C4orf51: variants seen among roughly 807,000 people sequenced by gnomAD.
The protein encoded by C4orf51 is uncharacterized protein C4orf51.
Under a neutral mutation model 25.2 loss-of-function variants are expected in C4orf51, and 25 were observed. The observed-to-expected ratio is 0.99, with a 90% CI of 0.72 to 1.39. The LOEUF (loss-of-function observed/expected upper bound fraction) is 1.39, where lower values mean the gene tolerates loss of function less well. Among genes scored for constraint, C4orf51 ranks in the 40% most tolerant of loss-of-function variants. C4orf51 has a pLI of 0.00. For missense variants in C4orf51, 252 were observed against 239.6 expected (o/e 1.05, Z -0.34); for synonymous variants, 100 against 84.5 (o/e 1.18, Z -1.01).
rs576976903 is a variant in C4orf51, at chr4:145,703,800, ATTTC to A, written c.307+7176_307+7179del. 4.3e-4 allele frequency among the ~76,000 whole-genome samples: 65 copies of A among 152,278 alleles called. 1 individual carries two copies. Among genetic ancestry groups the A allele is most frequent in the Admixed American group, 3.9e-3 (60 of 15,292 alleles). ...GTGTATAGTGTAAGATAGGAGTACA[ATTTC>A]TTTCTTTTATATGTCGATATCCAGT... On this transcript the variant is annotated intron_variant, in intron 2 of 5. Coordinates refer to ENST00000438731, the MANE Select transcript of C4orf51 (RefSeq NM_001080531.3).
the C4orf51 span, among the ~76,000 whole-genome samples, chr4:145,783,465 C>A: frequency 4.6e-5 from 7 of 152,214 alleles, no homozygotes; most frequent in Non-Finnish European, 7.3e-5. Context: ...CAGTCCTGAG[C>A]CATACTCCTA....
At chr4:145,722,097 T>C (rs552680927) in intron 2 of C4orf51, among the ~76,000 whole-genome samples, 82 of 152,252 alleles carry the variant, frequency 5.4e-4, no homozygotes, top group Non-Finnish European at 8.7e-4. Context: ...AAAAGACAGA[T>C]AAATGGACTG....
Position 145,761,320 on chromosome 4 carries a change from C to T in C4orf51, n.167-9668C>T, listed in dbSNP as rs1182232386. On this transcript the variant is annotated intron_variant and non_coding_transcript_variant, in intron 1 of 1. Transcript: ENST00000510096. This position sits in a 1 kb window ranked among gnomAD's most constrained non-coding sequence, Gnocchi z 6.8. ...CTTGTGCAGGTTGAGATTGTCCTTG[C>T]GCTTGCAGCTGTAGCTGCACTGGTC... The T allele has an allele frequency of 7.8e-7, 1 of 1,289,942 alleles. No homozygotes were observed. The highest frequency in any genetic ancestry group is 1.0e-6 in the Non-Finnish European group (1 of 988,908). The allele number at this position is 1,289,942 out of a possible 1,614,324, so 79.9% of individuals were successfully genotyped here. A position where few individuals can be genotyped will look rare whatever the true frequency, so the allele number is the denominator to read the frequency against.
At chr4:145,690,244 G>A (rs922799435) in intron 1 of C4orf51, among the ~76,000 whole-genome samples, 3 of 151,350 alleles carry the variant, frequency 2.0e-5, no homozygotes, top group East Asian at 1.9e-4. Flanking sequence ...GGTGGCTAAC[G>A]TCTGTAATCC....
At position 145,727,915 on chromosome 4, in the gene C4orf51, AT is replaced by A. The variant is rs1170803134; in HGVS notation, c.366+947del. ...AATGTGTATATATATATATATATAT[AT>A]ATATATAAAATATATTATATATATA... On this transcript the variant is annotated intron_variant, in intron 3 of 5. Transcript: ENST00000438731. Among the ~76,000 whole-genome samples, 22 of 109,278 alleles carry A rather than the reference AT, an allele frequency of 2.0e-4. No homozygotes were observed. The East Asian group carries it at 2.1e-3, about 11-fold the overall frequency. 71.7% of individuals were successfully genotyped at this position (109,278 alleles called of 152,430 possible). A position where few individuals can be genotyped will look rare whatever the true frequency, so the allele number is the denominator to read the frequency against.
intron 1 of C4orf51, among the ~76,000 whole-genome samples, chr4:145,691,138 G>A (rs573036592): frequency 6.6e-6 from 1 of 152,154 alleles, no homozygotes; most frequent in East Asian, 1.9e-4. Context: ...CAAAGGACAT[G>A]AATAGACACT....
chr4:145,711,685 G>A (rs553971924), intron 2 of C4orf51, among the ~76,000 whole-genome samples: 2 of 151,990 alleles, frequency 1.3e-5, no homozygotes, highest in Non-Finnish European at 2.9e-5. Flanking sequence ...TCTTTTGCTT[G>A]ATCAAGTTAG....
At chr4:145,737,055 C>G (rs988058968), downstream of C4orf51, among the ~76,000 whole-genome samples, 1 of 151,998 alleles carries the variant, frequency 6.6e-6, no homozygotes, top group African/African-American at 2.4e-5. Flanking sequence ...CATTCATCTC[C>G]TTATCTACCA....
Position 145,765,139 on chromosome 4 carries a change from C to T in C4orf51, n.167-5849C>T. ...TCAAACATGTTCTTCGTCTTGCAGA[C>T]AAAGTTGCAAAAAACACATTCGAAC... On this transcript the variant is annotated intron_variant and non_coding_transcript_variant, in intron 1 of 1. Coordinates refer to the C4orf51 transcript ENST00000510096. This position sits in a 1 kb window ranked among gnomAD's most constrained non-coding sequence, Gnocchi z 4.7. 1.2e-6 allele frequency: 2 copies of T among 1,611,820 alleles called. No homozygotes were observed. The highest frequency in any genetic ancestry group is 1.7e-6 in the Non-Finnish European group (2 of 1,179,084).
chr4:145,710,934 T>C (rs193232387), intron 2 of C4orf51, among the ~76,000 whole-genome samples: 2 of 152,290 alleles, frequency 1.3e-5, no homozygotes, highest in Admixed American at 1.3e-4. Context: ...AAAACTTATC[T>C]GAGGAATTTA....
At chr4:145,780,668 C>T in the C4orf51 span, among the ~76,000 whole-genome samples, 5 of 152,140 alleles carry the variant, frequency 3.3e-5, no homozygotes, top group Admixed American at 3.3e-4. Context: ...AAATAGGTGA[C>T]AGAGAACACC....
downstream of C4orf51, among the ~76,000 whole-genome samples, chr4:145,732,975 C>G (rs904330015): frequency 6.6e-6 from 1 of 152,190 alleles, no homozygotes; most frequent in Admixed American, 6.5e-5. Flanking sequence ...GAGCCTTCCA[C>G]CGCCAGGTTT....
rs867355727 is a variant in C4orf51 at position 145,696,634 on chromosome 4, T to C, written c.307+2T>C. 8 of 1,610,736 alleles carry C rather than the reference T, an allele frequency of 5.0e-6. No individual in the cohort carries two copies. The highest frequency in any genetic ancestry group is 6.8e-6 in the Non-Finnish European group (8 of 1,177,552). On this transcript the variant is annotated splice_donor_variant, in intron 2 of 5. Transcript: ENST00000438731. LOFTEE classifies it high-confidence loss of function. ...CCCAAGAGACTACAGATATCAAAGG[T>C]AAGTGCAACATGATCAGTTTCTGGG...
chr4:145,764,990 G>T, intron 1 of C4orf51: 1 of 1,612,454 alleles, frequency 6.2e-7, no homozygotes, highest in Non-Finnish European at 8.5e-7. Context: ...TTCCTTACTT[G>T]AGCCCACCGG....
At chr4:145,758,276 G>C (rs1372392147), downstream of C4orf51, 3 of 152,180 alleles carry the variant, frequency 2.0e-5, no homozygotes, top group African/African-American at 7.2e-5. Context: ...TCAGTGGCAA[G>C]CAGTGAAATG....
At chr4:145,716,347 G>T (rs1319691468) in intron 2 of C4orf51, among the ~76,000 whole-genome samples, 1 of 152,058 alleles carries the variant, frequency 6.6e-6, no homozygotes, top group Non-Finnish European at 1.5e-5. Context: ...AGACACACGT[G>T]CTCTTTCTCC....
intron 2 of C4orf51, among the ~76,000 whole-genome samples, chr4:145,702,174 T>C (rs1730491777): frequency 6.6e-6 from 1 of 151,850 alleles, no homozygotes; most frequent in Non-Finnish European, 1.5e-5. Context: ...TCCTTACCAT[T>C]CCCCCATTTT....
At chr4:145,735,616 T>C (rs1732762635), downstream of C4orf51, among the ~76,000 whole-genome samples, 2 of 152,210 alleles carry the variant, frequency 1.3e-5, no homozygotes, top group Non-Finnish European at 2.9e-5. Context: ...GAGAAGGCTG[T>C]CACTTTTTGA....
At chr4:145,706,231 C>T (rs1730803862) in intron 2 of C4orf51, among the ~76,000 whole-genome samples, 1 of 152,164 alleles carries the variant, frequency 6.6e-6, no homozygotes, top group Non-Finnish European at 1.5e-5. Context: ...TCTTATTATA[C>T]TTGGCGTGGT....
Sources: allele counts gnomAD v4.1 joint callset (sites outside exome capture counted in the v4.1 genomes callset), GRCh38; gene constraint gnomAD v4.1.1; non-coding constraint Gnocchi (gnomAD v3.1); transcripts MANE v1.5; gene names NCBI Gene and HGNC (gene_info 2026-07-23, HGNC 2026-07-21).